MIPEP: variants seen among roughly 807,000 people sequenced by gnomAD.
MIPEP encodes mitochondrial intermediate peptidase.
Under a neutral mutation model 90.3 loss-of-function variants are expected in MIPEP, and 79 were observed. That is an observed-to-expected ratio of 0.87 (90% confidence interval 0.73 to 1.05). The LOEUF (loss-of-function observed/expected upper bound fraction) is 1.05. Ranked by LOEUF, MIPEP falls within the 50% of genes least tolerant of loss-of-function variation. The pLI, the probability that MIPEP is intolerant of heterozygous loss-of-function variation, is 0.00. For missense variants in MIPEP, 940 were observed against 905.6 expected (o/e 1.04, Z -0.49); for synonymous variants, 334 against 315.8 (o/e 1.06, Z -0.61).
intron 16 of MIPEP, among the ~76,000 whole-genome samples, chr13:23,784,225 T>C (rs1379082575): frequency 6.6e-6 from 1 of 152,186 alleles, no homozygotes; most frequent in East Asian, 1.9e-4. Flanking sequence ...TCATGCTACC[T>C]GACTTCAAAC....
rs1218026506 is a variant in MIPEP, at chr13:23,852,666, A to G, written c.1106+6194T>C. The stretch of plus-strand genomic sequence containing the variant: ...AGTACACAACACTTAATAAATGACC[A>G]TATTACTGATTCATGTATTAACTAC... On this transcript the variant is annotated intron_variant, in intron 10 of 18. Coordinates refer to ENST00000382172, the MANE Select transcript of MIPEP (RefSeq NM_005932.4). Among the ~76,000 whole-genome samples, 4 of 152,370 alleles carry G rather than the reference A, an allele frequency of 2.6e-5. No homozygotes were observed. In the East Asian group the frequency reaches 7.7e-4, roughly 29 times the overall value.
intron 14 of MIPEP, among the ~76,000 whole-genome samples, chr13:23,829,311 T>C (rs1868620520): frequency 6.6e-6 from 1 of 152,140 alleles, no homozygotes; most frequent in Non-Finnish European, 1.5e-5. Context: ...GGCCAGGAGT[T>C]TGAGACCAGC....
chr13:23,879,200 G>A, intron 4 of MIPEP, 68 bp downstream of exon 4: 1 of 910,102 alleles, frequency 1.1e-6, no homozygotes, highest in Non-Finnish European at 1.8e-6. Flanking sequence ...CAGAGGCCCT[G>A]AGGGAGAGTC....
chr13:23,828,289 A>G (rs572990030), intron 14 of MIPEP, among the ~76,000 whole-genome samples: 124 of 152,396 alleles, frequency 8.1e-4, no homozygotes, highest in Admixed American at 3.7e-3. Context: ...AGGAATGCCC[A>G]TACCACGGCT....
intron 18 of MIPEP, among the ~76,000 whole-genome samples, chr13:23,735,221 T>C (rs898339825): frequency 6.6e-6 from 1 of 152,188 alleles, no homozygotes; most frequent in African/African-American, 2.4e-5. Flanking sequence ...TCTGTATATA[T>C]ACCTAGCTGG....
At chr13:23,860,873 T>C (rs1180258845) in intron 9 of MIPEP, among the ~76,000 whole-genome samples, 1 of 151,608 alleles carries the variant, frequency 6.6e-6, no homozygotes, top group Non-Finnish European at 1.5e-5. Context: ...GCTATGGCAA[T>C]GGGCACAGGA....
chr13:23,828,438 T>C (rs1868576064), intron 14 of MIPEP, among the ~76,000 whole-genome samples: 1 of 152,216 alleles, frequency 6.6e-6, no homozygotes, highest in Non-Finnish European at 1.5e-5. Context: ...TGTAAAAGTC[T>C]ATAGACAAAT....
At chr13:23,776,231 T>C (rs1312347382) in intron 16 of MIPEP, among the ~76,000 whole-genome samples, 1 of 152,110 alleles carries the variant, frequency 6.6e-6, no homozygotes, top group Non-Finnish European at 1.5e-5. Flanking sequence ...TGAGCAGACA[T>C]AAAGAACTCT....
At chr13:23,806,115 C>A (rs772216546) in intron 15 of MIPEP, 46 bp from the exon 16 acceptor site, 2 of 1,608,074 alleles carry the variant, frequency 1.2e-6, no homozygotes, top group East Asian at 4.5e-5. Flanking sequence ...TCCATCCTCA[C>A]ATCAAGATGT....
chr13:23,872,889 A>G (rs1870887438), intron 5 of MIPEP, among the ~76,000 whole-genome samples: 1 of 152,218 alleles, frequency 6.6e-6, no homozygotes, highest in Admixed American at 6.5e-5. Context: ...AAACTTGATG[A>G]TAGCTAGCAT....
chr13:23,751,905 AAT>A (rs1952445548), intron 18 of MIPEP, among the ~76,000 whole-genome samples: 1 of 150,688 alleles, frequency 6.6e-6, no homozygotes, highest in South Asian at 2.1e-4. Context: ...TGTCAATGAG[AAT>A]AGATAGGTTG....
intron 4 of MIPEP, among the ~76,000 whole-genome samples, chr13:23,877,394 G>C (rs1871112662): frequency 1.3e-5 from 2 of 152,116 alleles, no homozygotes; most frequent in Admixed American, 1.3e-4. Flanking sequence ...GGCTGTTCTT[G>C]CAACTAGAAT....
intron 14 of MIPEP, among the ~76,000 whole-genome samples, chr13:23,810,647 C>T (rs992402014): frequency 2.6e-5 from 4 of 152,164 alleles, no homozygotes; most frequent in Non-Finnish European, 4.4e-5. Context: ...CCTAATTAAG[C>T]TAAAAGCCCC....
At chr13:23,845,064 T>C (rs1477486385) in intron 10 of MIPEP, among the ~76,000 whole-genome samples, 1 of 152,234 alleles carries the variant, frequency 6.6e-6, no homozygotes, top group Non-Finnish European at 1.5e-5. Context: ...AGCTTATGCA[T>C]GTAAACTTTA....
intron 5 of MIPEP, among the ~76,000 whole-genome samples, chr13:23,873,910 G>A (rs1390480901): frequency 1.3e-5 from 2 of 152,148 alleles, no homozygotes; most frequent in Non-Finnish European, 2.9e-5. Flanking sequence ...ATCACATGCT[G>A]AACCTTTAAT....
chr13:23,840,810 A>T (rs1869263347), intron 11 of MIPEP, among the ~76,000 whole-genome samples: 1 of 152,264 alleles, frequency 6.6e-6, no homozygotes, highest in Non-Finnish European at 1.5e-5. Flanking sequence ...GGAAAAATTT[A>T]AAATATTCAT....
chr13:23,881,612 C>CT (rs2137536545), intron 3 of MIPEP, 87 bp downstream of exon 3: 1 of 1,147,916 alleles, frequency 8.7e-7, no homozygotes, highest in South Asian at 1.3e-5. Flanking sequence ...GGGACAAGCG[C>CT]TATGGACAAA....
Position 23,838,813 on chromosome 13 carries a change from G to C in MIPEP, c.1338+836C>G, listed in dbSNP as rs115761365. On this transcript the variant is annotated intron_variant, in intron 12 of 18. Transcript: ENST00000382172. ...CTCAGAGTCTGGTGACCTGCACCCT[G>C]TTCCTACCTTTCACACCTACTAGAC... is the stretch of plus-strand genomic sequence containing the variant. Among the ~76,000 whole-genome samples the C allele has an allele frequency of 2.9e-3, 448 of 152,236 alleles. 2 individuals are homozygous for C. The highest frequency in any genetic ancestry group is 0.011 in the African/African-American group (437 of 41,534).
chr13:23,765,204 C>T (rs1162448258), intron 16 of MIPEP, among the ~76,000 whole-genome samples: 1 of 152,054 alleles, frequency 6.6e-6, no homozygotes, highest in African/African-American at 2.4e-5. Flanking sequence ...GGGGGTGGGT[C>T]CTAGAACCAA....
Sources: allele counts gnomAD v4.1 joint callset (sites outside exome capture counted in the v4.1 genomes callset), GRCh38; gene constraint gnomAD v4.1.1; transcripts MANE v1.5; gene names NCBI Gene and HGNC (gene_info 2026-07-23, HGNC 2026-07-21).